The following TRHDE variants were observed in gnomAD, a reference collection of about 807,000 sequenced individuals.
TRHDE encodes thyrotropin-releasing hormone-degrading ectoenzyme.
Under a neutral mutation model 125.7 loss-of-function variants are expected in TRHDE, and 72 were observed. The ratio of observed to expected loss-of-function variants is 0.57; its 90% confidence interval spans 0.47 to 0.70. The LOEUF (loss-of-function observed/expected upper bound fraction) is 0.70, where lower values mean the gene tolerates loss of function less well. Ranked by LOEUF, TRHDE falls within the 30% of genes least tolerant of loss-of-function variation. The pLI is 0.00. For missense variants in TRHDE, 1,110 were observed against 1,327.1 expected (o/e 0.84, Z 2.54); for synonymous variants, 509 against 509.1 (o/e 1.00, Z 0.00).
chr12:72,503,306 G>A (rs1361724458), intron 6 of TRHDE, among the ~76,000 whole-genome samples: 1 of 152,108 alleles, frequency 6.6e-6, no homozygotes, highest in Non-Finnish European at 1.5e-5. Flanking sequence ...TCAAGGATAT[G>A]TTTCCCAGAA....
intron 6 of TRHDE, among the ~76,000 whole-genome samples, chr12:72,518,093 G>A (rs1414192255): frequency 6.7e-6 from 1 of 149,930 alleles, no homozygotes; most frequent in Non-Finnish European, 1.5e-5. Flanking sequence ...AATAGGTGTG[G>A]TGTGGTGCTG....
chr12:72,616,028 T>C (rs1455238040), intron 12 of TRHDE, among the ~76,000 whole-genome samples: 2 of 152,132 alleles, frequency 1.3e-5, no homozygotes, highest in Non-Finnish European at 2.9e-5. Context: ...CCAGGAGAAC[T>C]GGGAAGTATA....
chr12:72,639,729 C>G (rs1229011969), intron 15 of TRHDE, among the ~76,000 whole-genome samples: 2 of 151,578 alleles, frequency 1.3e-5, no homozygotes, highest in African/African-American at 4.9e-5. Flanking sequence ...CAGACAGGAC[C>G]CTCAGCTGCA....
intron 2 of TRHDE, among the ~76,000 whole-genome samples, chr12:72,115,104 TTTAAG>T (rs1303656345): frequency 2.6e-5 from 4 of 152,088 alleles, no homozygotes; most frequent in African/African-American, 4.8e-5. Context: ...AGTTATACTC[TTTAAG>T]TTATTTTAAA....
chr12:72,335,768 A>T (rs1592552448), intron 2 of TRHDE, among the ~76,000 whole-genome samples: 1 of 152,328 alleles, frequency 6.6e-6, no homozygotes, highest in East Asian at 1.9e-4. Flanking sequence ...ATCTCTGGTG[A>T]TCATATTTGG....
chr12:72,549,225 C>T (rs1452675574), intron 7 of TRHDE, among the ~76,000 whole-genome samples: 2 of 151,864 alleles, frequency 1.3e-5, no homozygotes, highest in African/African-American at 4.8e-5. Flanking sequence ...GTAGCAACAA[C>T]ATACTCAATA....
chr12:72,346,544 T>A (rs1445050630), intron 2 of TRHDE, among the ~76,000 whole-genome samples: 1 of 151,986 alleles, frequency 6.6e-6, no homozygotes, highest in Non-Finnish European at 1.5e-5. Context: ...ATTTCCCAAT[T>A]TGTCTGCCTG....
chr12:72,238,082 T>C (rs1288233895), intron 2 of TRHDE, among the ~76,000 whole-genome samples: 3 of 150,710 alleles, frequency 2.0e-5, no homozygotes, highest in Non-Finnish European at 3.0e-5. Context: ...AAATGGAGAG[T>C]CACTGGAGGG....
chr12:72,273,201 G>A lies in TRHDE; in HGVS notation c.558G>A (p.Leu186=). Residue 186 remains leucine, a synonymous_variant, in exon 1 of 19, where the codon CTG becomes CTA. Transcript: ENST00000261180. This position sits in a 1 kb window ranked among gnomAD's most constrained non-coding sequence, Gnocchi z 5.3. ...GGGAGCCGTGGACGCAGCTGCGCCT[G>A]TCGGGCCACCTGAAGCCGCTGCACT... The part of the protein sequence containing the change: ...EPWEPWTQLR[L]SGHLKPLHYN... 6.2e-7 allele frequency: 1 copy of A among 1,603,478 alleles called. No homozygotes were observed. The highest frequency in any genetic ancestry group is 2.2e-5 in the East Asian group (1 of 44,518).
intron 2 of TRHDE, among the ~76,000 whole-genome samples, chr12:72,215,663 T>A (rs541652356): frequency 6.6e-6 from 1 of 152,110 alleles, no homozygotes; most frequent in South Asian, 2.1e-4. Context: ...TTAGATAAAT[T>A]TGGGCTCATG....
chr12:72,618,631 C>A (rs930165230), intron 12 of TRHDE, among the ~76,000 whole-genome samples: 1 of 152,024 alleles, frequency 6.6e-6, no homozygotes, highest in African/African-American at 2.4e-5. Flanking sequence ...TGCTTATGTT[C>A]CATAATTCCT....
intron 2 of TRHDE, among the ~76,000 whole-genome samples, chr12:72,106,696 A>G (rs1433306073): frequency 6.6e-6 from 1 of 152,166 alleles, no homozygotes; most frequent in African/African-American, 2.4e-5. Context: ...GGATATTGCC[A>G]CATTGTAAAA....
At chr12:72,363,472 A>G (rs1222509762) in intron 2 of TRHDE, among the ~76,000 whole-genome samples, 1 of 152,006 alleles carries the variant, frequency 6.6e-6, no homozygotes, top group Non-Finnish European at 1.5e-5. Flanking sequence ...CAATATACGC[A>G]AATCAATAAA....
intron 2 of TRHDE, among the ~76,000 whole-genome samples, chr12:72,117,097 A>G (rs1875462643): frequency 6.6e-6 from 1 of 151,994 alleles, no homozygotes; most frequent in South Asian, 2.1e-4. Context: ...GCTGAACGTA[A>G]TCCCATTTTT....
intron 2 of TRHDE, among the ~76,000 whole-genome samples, chr12:72,319,885 A>G (rs1233245792): frequency 1.3e-5 from 2 of 152,116 alleles, no homozygotes; most frequent in Non-Finnish European, 2.9e-5. Flanking sequence ...AATTGAATTG[A>G]ATAGCTGATG....
intron 6 of TRHDE, among the ~76,000 whole-genome samples, chr12:72,541,865 G>A (rs79230462): frequency 0.025 from 3,797 of 151,366 alleles, 164 homozygotes; most frequent in African/African-American, 0.087. Context: ...TGGTTAAGGA[G>A]TACATTCAGT....
chr12:72,624,456 A>G (rs1026127675), intron 15 of TRHDE, among the ~76,000 whole-genome samples: 1 of 151,962 alleles, frequency 6.6e-6, no homozygotes, highest in Non-Finnish European at 1.5e-5. Flanking sequence ...TCATAGAAGT[A>G]GCAGGGATTG....
At chr12:72,567,094 T>C (rs1364154933) in intron 9 of TRHDE, among the ~76,000 whole-genome samples, 1 of 151,972 alleles carries the variant, frequency 6.6e-6, no homozygotes, top group African/African-American at 2.4e-5. Flanking sequence ...TCTTTGTCTC[T>C]TCCTCAAATC....
intron 7 of TRHDE, among the ~76,000 whole-genome samples, chr12:72,547,551 G>A (rs1002288429): frequency 1.3e-4 from 19 of 151,758 alleles, no homozygotes; most frequent in African/African-American, 4.1e-4. Context: ...ATTAACTTAC[G>A]AATTTAGCCT....
Sources: allele counts gnomAD v4.1 joint callset (sites outside exome capture counted in the v4.1 genomes callset), GRCh38; gene constraint gnomAD v4.1.1; non-coding constraint Gnocchi (gnomAD v3.1); transcripts MANE v1.5; gene names NCBI Gene and HGNC (gene_info 2026-07-23, HGNC 2026-07-21).